Variants in DSCAM observed in about 807,000 individuals in gnomAD.
DSCAM encodes cell adhesion molecule DSCAM.
A neutral mutation model predicts 217.7 loss-of-function variants in DSCAM; 47 were observed. The ratio of observed to expected loss-of-function variants is 0.22; its 90% CI spans 0.17 to 0.28. The LOEUF (loss-of-function observed/expected upper bound fraction) is 0.28, where lower values mean the gene tolerates loss of function less well. Among genes scored for constraint, DSCAM ranks in the 10% least tolerant of loss-of-function variants. The pLI is 1.00. For synonymous variants in DSCAM, 1,056 were observed against 1,015.3 expected (o/e 1.04, Z -0.76); for missense variants, 2,080 against 2,618.3 (o/e 0.79, Z 4.49).
intron 10 of DSCAM, among the ~76,000 whole-genome samples, chr21:40,280,514 C>A (rs1354341038): frequency 1.3e-5 from 2 of 151,990 alleles, no homozygotes; most frequent in Non-Finnish European, 2.9e-5. Flanking sequence ...AAAATAAATA[C>A]ATCAGTATAA....
chr21:40,493,465 T>A (rs1190981788), intron 3 of DSCAM, among the ~76,000 whole-genome samples: 1 of 152,216 alleles, frequency 6.6e-6, no homozygotes, highest in East Asian at 1.9e-4. Context: ...ATTGCTTATA[T>A]CTTTAGTATG....
At chr21:40,394,855 A>C (rs2075164459) in intron 3 of DSCAM, among the ~76,000 whole-genome samples, 1 of 152,170 alleles carries the variant, frequency 6.6e-6, no homozygotes, top group African/African-American at 2.4e-5. Context: ...GAGTACTAAG[A>C]GAGATTAGGA....
At chr21:40,624,763 TCCAAAAGCACA>T (rs2089576623) in intron 3 of DSCAM, among the ~76,000 whole-genome samples, 1 of 26,910 alleles carries the variant, frequency 3.7e-5, no homozygotes, top group South Asian at 1.9e-3. Flanking sequence ...TGCATACACA[TCCAAAAGCACA>T]TCCACACAAA....
intron 3 of DSCAM, among the ~76,000 whole-genome samples, chr21:40,404,748 C>T (rs1046322153): frequency 6.6e-6 from 1 of 152,208 alleles, no homozygotes; most frequent in African/African-American, 2.4e-5. Context: ...CGTGGTCCCT[C>T]CTTGACTGGA....
chr21:40,390,798 CCAATA>C (rs1185271810), intron 3 of DSCAM, among the ~76,000 whole-genome samples: 1 of 152,178 alleles, frequency 6.6e-6, no homozygotes, highest in Admixed American at 6.5e-5. Flanking sequence ...CCATCCTACT[CCAATA>C]CAACTTCATC....
At chr21:40,347,318 T>A (rs910031439) in intron 6 of DSCAM, among the ~76,000 whole-genome samples, 30 of 139,258 alleles carry the variant, frequency 2.2e-4, no homozygotes, top group East Asian at 4.1e-4. Flanking sequence ...AAAAAAAAAA[T>A]TCCCCAAGCA....
chr21:40,179,143 T>C (rs773801032), intron 14 of DSCAM, 49 bp from the exon 15 acceptor site: 9 of 1,525,788 alleles, frequency 5.9e-6, no homozygotes, highest in Non-Finnish European at 8.0e-6. Flanking sequence ...CGTGAGTTTT[T>C]TTCCTCTGCC....
chr21:40,603,601 T>A (rs2077078637), intron 3 of DSCAM, among the ~76,000 whole-genome samples: 1 of 152,232 alleles, frequency 6.6e-6, no homozygotes, highest in Admixed American at 6.5e-5. Context: ...AAAGGCAGGT[T>A]TACTGGTAAC....
rs772174883 is a variant in DSCAM, at chr21:40,532,866, CTCTGTGTGTG to C, written c.508+159934_508+159943del. ...GTGGTGCTTCAAAACAGCCACAAGG[CTCTGTGTGTG>C]TGTGTGTGTGTGTGTGTGTGTGTGT... On this transcript the variant is annotated intron_variant, in intron 3 of 32. Coordinates refer to ENST00000400454, the MANE Select transcript of DSCAM (RefSeq NM_001389.5). Among the ~76,000 whole-genome samples the C allele has an allele frequency of 4.6e-3, 477 of 103,854 alleles. 2 individuals carry two copies. Among genetic ancestry groups the C allele is most frequent in the Non-Finnish European group, 6.9e-3 (362 of 52,292 alleles). 68.1% of individuals were successfully genotyped at this position (103,854 alleles called of 152,430 possible).
chr21:40,801,979 T>G lies in DSCAM; in HGVS notation c.43+44640A>C, dbSNP rs545821143. On this transcript the variant is annotated intron_variant, in intron 1 of 32. Transcript: ENST00000400454. ...CTGCAGAGTCCTTACCAGGGTAATATCTAATGGAGCCATAGAGGCAGGACC... is the reference window on the plus strand; with the variant it reads ...CTGCAGAGTCCTTACCAGGGTAATAGCTAATGGAGCCATAGAGGCAGGACC... 3.3e-5 allele frequency among the ~76,000 whole-genome samples: 5 copies of G among 152,212 alleles called. No homozygotes were observed. In the South Asian group the frequency reaches 8.3e-4, roughly 25 times the overall value.
chr21:40,476,412 C>T (rs980011525), intron 3 of DSCAM, among the ~76,000 whole-genome samples: 1 of 152,132 alleles, frequency 6.6e-6, no homozygotes, highest in African/African-American at 2.4e-5. Context: ...CATTAATATG[C>T]ATATATTGCA....
At chr21:40,463,022 C>T (rs1482110584) in intron 3 of DSCAM, among the ~76,000 whole-genome samples, 1 of 152,138 alleles carries the variant, frequency 6.6e-6, no homozygotes, top group African/African-American at 2.4e-5. Flanking sequence ...ACTATTTCCT[C>T]TTTGACATAC....
chr21:40,617,921 G>C (rs780548720), intron 3 of DSCAM, among the ~76,000 whole-genome samples: 1 of 152,208 alleles, frequency 6.6e-6, no homozygotes, highest in Admixed American at 6.5e-5. Context: ...GTTCCAACGC[G>C]AAGCAGGCAA....
At chr21:40,276,973 A>G (rs1045106066) in intron 10 of DSCAM, among the ~76,000 whole-genome samples, 2 of 121,966 alleles carry the variant, frequency 1.6e-5, no homozygotes, top group East Asian at 4.1e-4. Context: ...ACAACTGGGT[A>G]AAAAAAAAAA....
chr21:40,813,948 T>C (rs2091859962), intron 1 of DSCAM, among the ~76,000 whole-genome samples: 1 of 152,120 alleles, frequency 6.6e-6, no homozygotes, highest in Non-Finnish European at 1.5e-5. Flanking sequence ...CACAGCCAGT[T>C]TTGACGGTTT....
In DSCAM at chr21:40,675,917, A is replaced by C. The variant is rs954771741; in HGVS notation, c.508+16893T>G. Among the ~76,000 whole-genome samples, 5 of 152,232 alleles carry C rather than the reference A, an allele frequency of 3.3e-5. No individual in the cohort carries two copies. In the South Asian group the frequency reaches 6.2e-4, roughly 19 times the overall value. On this transcript the variant is annotated intron_variant, in intron 3 of 32. Coordinates refer to ENST00000400454, the MANE Select transcript of DSCAM (RefSeq NM_001389.5). ...TATTCTCCTTCTGCATAACCATTTTACAAGAACACATATACTCTATAGCCA... is the reference window on the plus strand; with the variant it reads ...TATTCTCCTTCTGCATAACCATTTTCCAAGAACACATATACTCTATAGCCA...
chr21:40,516,079 A>G (rs1001448846), intron 3 of DSCAM, among the ~76,000 whole-genome samples: 1 of 152,098 alleles, frequency 6.6e-6, no homozygotes, highest in African/African-American at 2.4e-5. Context: ...CAGACTGATT[A>G]AAGGATCATT....
Position 40,124,285 on chromosome 21 carries a change from G to A in DSCAM, c.3606C>T (p.Ala1202=), listed in dbSNP as rs1328579989. 2 of 1,613,866 alleles carry A rather than the reference G, an allele frequency of 1.2e-6. No individual in the cohort carries two copies. Among genetic ancestry groups the A allele is most frequent in the Non-Finnish European group, 1.7e-6 (2 of 1,180,034 alleles). The stretch of plus-strand genomic sequence containing the variant: ...GAAGCCAGGACACAAAGACCATGGA[G>A]GCTGAGGCCGCCGCTGCCTTCACAC... ...PAGVKAAAAS[A]SMVFVSWLPP... Residue 1202 remains alanine (A), a synonymous_variant, in exon 20 of 33, where the codon GCC becomes GCT. Coordinates refer to ENST00000400454, the MANE Select transcript of DSCAM (RefSeq NM_001389.5).
intron 3 of DSCAM, among the ~76,000 whole-genome samples, chr21:40,431,723 A>C (rs955455839): frequency 6.6e-5 from 10 of 152,250 alleles, no homozygotes; most frequent in Non-Finnish European, 1.3e-4. Context: ...TCCAGTCAGC[A>C]GTAGGCTACT....
Sources: gnomAD v4.1 joint callset for allele counts (sites outside exome capture counted in the v4.1 genomes callset) on GRCh38, gnomAD v4.1.1 for gene constraint, MANE v1.5 for transcripts, NCBI Gene and HGNC (gene_info 2026-07-23, HGNC 2026-07-21) for gene names.